PHF2: variants seen among roughly 807,000 people sequenced by gnomAD.
PHF2 encodes the protein PHD finger protein 2, also known as lysine-specific demethylase PHF2.
In PHF2, 27 loss-of-function variants were observed where a neutral mutation model predicts 120.5. The ratio of observed to expected loss-of-function variants is 0.22; its 90% CI spans 0.17 to 0.31. PHF2 has a LOEUF of 0.31. Among genes scored for constraint, PHF2 ranks in the 10% least tolerant of loss-of-function variants. PHF2 has a pLI of 1.00. For missense variants in PHF2, 1,024 were observed against 1,434.8 expected, an observed-to-expected ratio of 0.71 and a Z score of 4.63; for synonymous variants, 568 against 592.5, an observed-to-expected ratio of 0.96 and a Z score of 0.60.
intron 7 of PHF2, 98 bp from the exon 8 acceptor site, chr9:93,655,836 A>G: frequency 2.5e-6 from 2 of 807,976 alleles, no homozygotes; most frequent in East Asian, 2.9e-5. Context: ...GGGCCGGGAA[A>G]GGCCTGTGCT....
intron 1 of PHF2, among the ~76,000 whole-genome samples, chr9:93,607,343 C>T (rs1449005253): frequency 6.6e-6 from 1 of 151,190 alleles, no homozygotes. Flanking sequence ...GTGATCTCGG[C>T]TCACTGCAAC....
intron 1 of PHF2, among the ~76,000 whole-genome samples, chr9:93,598,415 G>A (rs1046638640): frequency 8.5e-5 from 13 of 152,128 alleles, no homozygotes; most frequent in African/African-American, 3.1e-4. Context: ...GGTGTTTGTC[G>A]GGCTGTCAGT....
chr9:93,677,418 A>C lies in PHF2; in HGVS notation c.3203-170A>C, dbSNP rs1826938613. On this transcript the variant is annotated intron_variant, in intron 21 of 21. Coordinates refer to ENST00000359246, the MANE Select transcript of PHF2 (RefSeq NM_005392.4). The surrounding 1 kb of genome is among the most constrained non-coding windows in gnomAD (Gnocchi z 4.4). Reference sequence around the variant, plus strand: ...GCGGAGGCTTTGCCAGTGATCCCAGACTCCTGAAGGGTGCTGAGCTCGGAG... The same window carrying C: ...GCGGAGGCTTTGCCAGTGATCCCAGCCTCCTGAAGGGTGCTGAGCTCGGAG... 1.3e-5 allele frequency among the ~76,000 whole-genome samples: 2 copies of C among 150,996 alleles called. No individual in the cohort carries two copies. Among genetic ancestry groups the C allele is most frequent in the African/African-American group, 2.4e-5 (1 of 41,040 alleles).
At chr9:93,622,483 G>C (rs772553742) in intron 1 of PHF2, among the ~76,000 whole-genome samples, 4 of 152,178 alleles carry the variant, frequency 2.6e-5, no homozygotes, top group Non-Finnish European at 5.9e-5. Context: ...TCATCACAGT[G>C]GTCCTTAGGA....
chr9:93,631,605 A>G (rs1465908801), intron 2 of PHF2, among the ~76,000 whole-genome samples: 2 of 152,186 alleles, frequency 1.3e-5, no homozygotes, highest in African/African-American at 4.8e-5. Context: ...CTGGCACCTC[A>G]ATGAGCCCAC....
intron 7 of PHF2, among the ~76,000 whole-genome samples, chr9:93,655,148 C>T (rs10821192): frequency 0.28 from 42,091 of 152,026 alleles, 7,459 homozygotes; most frequent in Non-Finnish European, 0.39. Flanking sequence ...GAAGGGCTTC[C>T]TTTCCTTCTA....
intron 3 of PHF2, among the ~76,000 whole-genome samples, chr9:93,638,876 G>A (rs573217443): frequency 3.9e-5 from 6 of 152,208 alleles, no homozygotes; most frequent in Middle Eastern, 3.4e-3. Flanking sequence ...GCACTACCAC[G>A]TCTGGCTAAT....
rs145505087 is a variant in PHF2 at position 93,652,849 on chromosome 9, A to G, written c.603-330A>G. On this transcript the variant is annotated intron_variant, in intron 5 of 21. Transcript: ENST00000359246. Reference sequence around the variant, plus strand: ...GCTTCAGCCCAGTGTGCCACAGCACATGGCACGTGGCCAGTCTGGAAAGAC... The same window carrying G: ...GCTTCAGCCCAGTGTGCCACAGCACGTGGCACGTGGCCAGTCTGGAAAGAC... Among the ~76,000 whole-genome samples, 345 of 152,332 alleles carry G rather than the reference A, an allele frequency of 2.3e-3. 1 individual carries two copies. The highest frequency in any genetic ancestry group is 7.4e-3 in the African/African-American group (309 of 41,580).
At chr9:93,664,528 A>G (rs376064911) in intron 14 of PHF2, among the ~76,000 whole-genome samples, 5 of 152,300 alleles carry the variant, frequency 3.3e-5, no homozygotes, top group African/African-American at 1.2e-4. Flanking sequence ...GCCAGGTTGT[A>G]GTTTCCTCAT....
chr9:93,646,213 G>A (rs929048362), intron 4 of PHF2, among the ~76,000 whole-genome samples: 21 of 152,178 alleles, frequency 1.4e-4, no homozygotes, highest in African/African-American at 4.1e-4. Flanking sequence ...GAATCTCCTC[G>A]TCTGGATTCC....
chr9:93,652,033 C>T (rs1293255844), intron 5 of PHF2, among the ~76,000 whole-genome samples: 3 of 152,230 alleles, frequency 2.0e-5, no homozygotes, highest in East Asian at 1.9e-4. Context: ...TAGTTTGGAA[C>T]GTGCTGGAGA....
At chr9:93,595,990 G>T (rs1825323397) in intron 1 of PHF2, among the ~76,000 whole-genome samples, 1 of 152,200 alleles carries the variant, frequency 6.6e-6, no homozygotes. Context: ...CCAGCAGGAT[G>T]GGGCATTTCC....
chr9:93,675,652 T>C, intron 19 of PHF2, 28 bp from the exon 20 acceptor site: 1 of 1,578,452 alleles, frequency 6.3e-7, no homozygotes, highest in Non-Finnish European at 8.7e-7. Context: ...GCCTACAGCT[T>C]GAGGGGGCTG....
At chr9:93,620,344 G>T (rs556075127) in intron 1 of PHF2, among the ~76,000 whole-genome samples, 184 of 152,326 alleles carry the variant, frequency 1.2e-3, no homozygotes, top group Non-Finnish European at 2.0e-3. Flanking sequence ...GCATCCCCAC[G>T]CTGGGGCAGG....
At chr9:93,618,491 CACAT>C (rs1825763085) in intron 1 of PHF2, among the ~76,000 whole-genome samples, 1 of 152,254 alleles carries the variant, frequency 6.6e-6, no homozygotes, top group Non-Finnish European at 1.5e-5. Context: ...CACATGGGTG[CACAT>C]ACATGCATGT....
In PHF2 at chr9:93,667,098, G is replaced by A. The variant is rs1271286430; in HGVS notation, c.2206G>A (p.Glu736Lys). 4 of 1,612,996 alleles carry A rather than the reference G, an allele frequency of 2.5e-6. No individual in the cohort carries two copies. The highest frequency in any genetic ancestry group is 1.7e-5 in the Admixed American group (1 of 59,968). Residue 736 changes from glutamate (E) to lysine (K), a missense_variant, in exon 17 of 22, where the codon GAG (glutamate) becomes AAG (lysine). Coordinates refer to ENST00000359246, the MANE Select transcript of PHF2 (RefSeq NM_005392.4). ...GCAGCAGAGTGATGACTCCTCGGAC[G>A]AGGGTTCGCTGCACATCGACACAGA... ...AAYKSDDSSD[E>K]GSLHIDTDTK...
intron 3 of PHF2, among the ~76,000 whole-genome samples, chr9:93,644,960 G>A (rs12348927): frequency 0.18 from 27,790 of 152,094 alleles, 2,771 homozygotes; most frequent in African/African-American, 0.27. Context: ...GCTCTTGTCC[G>A]GGTCCTTGGG....
At chr9:93,598,055 C>T (rs117148898) in intron 1 of PHF2, among the ~76,000 whole-genome samples, 2 of 152,250 alleles carry the variant, frequency 1.3e-5, no homozygotes, top group East Asian at 3.9e-4. Flanking sequence ...CGGCCGAGTG[C>T]ATTTTGTTCT....
chr9:93,645,500 C>G (rs1041242037), intron 3 of PHF2, 129 bp from the exon 4 acceptor site: 6 of 949,394 alleles, frequency 6.3e-6, no homozygotes, highest in Non-Finnish European at 7.6e-6. Context: ...GCCAGGCCTC[C>G]TCCTGTGGCT....
Sources: gnomAD v4.1 joint callset for allele counts (sites outside exome capture counted in the v4.1 genomes callset) on GRCh38, gnomAD v4.1.1 for gene constraint, Gnocchi (gnomAD v3.1) non-coding constraint, MANE v1.5 for transcripts, NCBI Gene and HGNC (gene_info 2026-07-23, HGNC 2026-07-21) for gene names.